The following ETV1 variants were observed in gnomAD, a reference collection of about 807,000 sequenced individuals.
ETV1 encodes ETS variant transcription factor 1.
Under a neutral mutation model 62.3 loss-of-function variants are expected in ETV1, and 27 were observed. The ratio of observed to expected loss-of-function variants is 0.43; its 90% CI spans 0.32 to 0.60. ETV1 has a LOEUF of 0.60. Ranked by LOEUF, ETV1 falls within the 20% of genes least tolerant of loss-of-function variation. The probability of loss-of-function intolerance (pLI) is 0.06; values close to 1 mark genes in which losing one functional copy is unlikely to be tolerated. For missense variants in ETV1, 605 were observed against 605.8 expected, an observed-to-expected ratio of 1.00 and a Z score of 0.01; for synonymous variants, 222 against 199.6, an observed-to-expected ratio of 1.11 and a Z score of -0.94.
At chr7:13,911,776 C>T (rs971413093) in intron 9 of ETV1, among the ~76,000 whole-genome samples, 1 of 152,150 alleles carries the variant, frequency 6.6e-6, no homozygotes, top group Non-Finnish European at 1.5e-5. Flanking sequence ...ACTATGCCTT[C>T]TTCATATGAA....
intron 5 of ETV1, among the ~76,000 whole-genome samples, chr7:13,980,673 A>G (rs1781889042): frequency 6.6e-6 from 1 of 152,106 alleles, no homozygotes; most frequent in African/African-American, 2.4e-5. Flanking sequence ...CTATCAGTTC[A>G]TTGCACGTTA....
chr7:13,902,319 T>C (rs1225671917), intron 12 of ETV1, among the ~76,000 whole-genome samples: 1 of 152,136 alleles, frequency 6.6e-6, no homozygotes, highest in East Asian at 1.9e-4. Flanking sequence ...TCCCTCTCAG[T>C]AATTTTTATT....
At chr7:13,909,238 A>C (rs1783304235) in intron 11 of ETV1, among the ~76,000 whole-genome samples, 1 of 151,812 alleles carries the variant, frequency 6.6e-6, no homozygotes, top group Admixed American at 6.6e-5. Flanking sequence ...GAAAGAAGAG[A>C]GGCCGCGTTA....
intron 13 of ETV1, among the ~76,000 whole-genome samples, chr7:13,896,559 G>A (rs1781797006): frequency 6.6e-6 from 1 of 151,986 alleles, no homozygotes; most frequent in Admixed American, 6.6e-5. Flanking sequence ...AAAGAAAAAT[G>A]TGCTTTATTC....
Position 13,894,149 on chromosome 7 carries a change from T to C in ETV1, c.*1717A>G, listed in dbSNP as rs1781577838. On this transcript the variant is annotated 3_prime_UTR_variant, in exon 14 of 14. Coordinates refer to ENST00000430479, the MANE Select transcript of ETV1 (RefSeq NM_004956.5). Reference sequence around the variant, plus strand: ...CAATAGGTTTATTTTGACTTTGTGTTTAGAATTTTTTTTTTTTTTTGCTTT... The same window carrying C: ...CAATAGGTTTATTTTGACTTTGTGTCTAGAATTTTTTTTTTTTTTTGCTTT... 1.3e-5 allele frequency: 3 copies of C among 226,418 alleles called. No individual in the cohort carries two copies. Among genetic ancestry groups the C allele is most frequent in the Non-Finnish European group, 2.6e-5 (3 of 116,604 alleles). 14.0% of individuals were successfully genotyped at this position (226,418 alleles called of 1,614,324 possible).
At chr7:13,925,733 T>G (rs1785343775) in intron 9 of ETV1, among the ~76,000 whole-genome samples, 1 of 114,666 alleles carries the variant, frequency 8.7e-6, no homozygotes, top group African/African-American at 4.6e-5. Context: ...GCCCGGCTAA[T>G]TTTTTGTATT....
intron 7 of ETV1, 139 bp downstream of exon 7, chr7:13,938,978 C>G: frequency 1.3e-6 from 1 of 770,004 alleles, no homozygotes; most frequent in Non-Finnish European, 2.1e-6. Flanking sequence ...CTTTAGAGTT[C>G]TGCTAAATGC....
At chr7:13,981,669 G>GGAAAA (rs1273793033) in intron 5 of ETV1, among the ~76,000 whole-genome samples, 3 of 151,632 alleles carry the variant, frequency 2.0e-5, no homozygotes, top group African/African-American at 7.3e-5. Flanking sequence ...TTCAAGAAAG[G>GGAAAA]GAAAAGAAAA....
intron 6 of ETV1, among the ~76,000 whole-genome samples, chr7:13,945,726 A>C (rs1043018411): frequency 3.9e-5 from 6 of 152,158 alleles, no homozygotes; most frequent in Admixed American, 6.5e-5. Flanking sequence ...CGTGTTGGGT[A>C]TTTCATCACA....
chr7:13,990,858 G>C (rs1007296341), upstream of ETV1, among the ~76,000 whole-genome samples: 1 of 152,170 alleles, frequency 6.6e-6, no homozygotes, highest in Non-Finnish European at 1.5e-5. Flanking sequence ...TGTTCCGCCC[G>C]TTAGGAAACG....
At chr7:13,956,501 G>A (rs1218314566) in intron 6 of ETV1, among the ~76,000 whole-genome samples, 1 of 152,200 alleles carries the variant, frequency 6.6e-6, no homozygotes, top group Non-Finnish European at 1.5e-5. Context: ...CATAGCAATA[G>A]TGTCATGGCA....
chr7:13,988,231 C>T, intron 3 of ETV1, 58 bp from the exon 4 acceptor site: 1 of 989,368 alleles, frequency 1.0e-6, no homozygotes, highest in Non-Finnish European at 1.6e-6. Flanking sequence ...CACACACACG[C>T]ACACGCGCGC....
chr7:13,988,769 T>A, intron 3 of ETV1: 12 of 1,610,918 alleles, frequency 7.4e-6, no homozygotes, highest in Non-Finnish European at 1.0e-5. Flanking sequence ...CCACTCATGT[T>A]GGGCACTTTA....
chr7:13,946,756 AATTT>A (rs1357988815), intron 6 of ETV1, among the ~76,000 whole-genome samples: 1 of 152,076 alleles, frequency 6.6e-6, no homozygotes, highest in Non-Finnish European at 1.5e-5. Flanking sequence ...GGAGAATATG[AATTT>A]ATTTATTTAC....
intron 6 of ETV1, among the ~76,000 whole-genome samples, chr7:13,974,483 T>C (rs1024384905): frequency 7.9e-5 from 12 of 152,270 alleles, no homozygotes; most frequent in African/African-American, 1.9e-4. Flanking sequence ...TGTGTGTTAA[T>C]GCTATTGCAC....
At chr7:13,930,321 G>GA (rs576305775) in intron 9 of ETV1, among the ~76,000 whole-genome samples, 14 of 151,752 alleles carry the variant, frequency 9.2e-5, no homozygotes, top group African/African-American at 2.2e-4. Context: ...GTACTATTTG[G>GA]AAAAAAAATT....
Position 13,980,791 on chromosome 7 carries a change from TTC to T in ETV1, c.182-3313_182-3312del, listed in dbSNP as rs143727855. ...TATTATCCAAAGTTGTTTTACTGTT[TTC>T]TGTCTTTTTGCTACGTATCAATGCA... On this transcript the variant is annotated intron_variant, in intron 5 of 13. Coordinates refer to ENST00000430479, the MANE Select transcript of ETV1 (RefSeq NM_004956.5). Among the ~76,000 whole-genome samples, 548 of 152,242 alleles carry T rather than the reference TTC, an allele frequency of 3.6e-3. 2 individuals are homozygous for T. The highest frequency in any genetic ancestry group is 0.012 in the African/African-American group (504 of 41,560).
intron 6 of ETV1, among the ~76,000 whole-genome samples, chr7:13,962,810 A>G (rs1790346685): frequency 6.6e-6 from 1 of 152,214 alleles, no homozygotes; most frequent in Admixed American, 6.5e-5. Context: ...ATAAATTAGA[A>G]TAATTCCATG....
At chr7:13,974,251 G>A (rs1781184095) in intron 6 of ETV1, among the ~76,000 whole-genome samples, 1 of 152,282 alleles carries the variant, frequency 6.6e-6, no homozygotes, top group South Asian at 2.1e-4. Context: ...ATGAACACAT[G>A]CAAGGGCAAA....
Sources: gnomAD v4.1 joint callset for allele counts (sites outside exome capture counted in the v4.1 genomes callset) on GRCh38, gnomAD v4.1.1 for gene constraint, MANE v1.5 for transcripts, NCBI Gene and HGNC (gene_info 2026-07-23, HGNC 2026-07-21) for gene names.